The following MME variants were observed in gnomAD, a reference collection of about 807,000 sequenced individuals.
MME encodes neprilysin.
A neutral mutation model predicts 113.2 loss-of-function variants in MME; 98 were observed. That is an observed-to-expected ratio of 0.87 (90% CI 0.74 to 1.02). The LOEUF (loss-of-function observed/expected upper bound fraction) is 1.02. Ranked by LOEUF, MME falls within the 50% of genes least tolerant of loss-of-function variation. The pLI is 0.00. For synonymous variants in MME, 292 were observed against 300.6 expected (o/e 0.97, Z 0.30); for missense variants, 836 against 896.0 (o/e 0.93, Z 0.86).
rs1715429636 is a variant in MME at position 155,084,152 on chromosome 3, T to C, written c.-10-6T>C. The C allele has an allele frequency of 2.5e-6, 4 of 1,609,832 alleles. No homozygotes were observed. Among genetic ancestry groups the C allele is most frequent in the Non-Finnish European group, 3.4e-6 (4 of 1,176,176 alleles). On this transcript the variant is annotated splice_region_variant and splice_polypyrimidine_tract_variant and intron_variant, in intron 1 of 22. Coordinates refer to ENST00000360490, the MANE Select transcript of MME (RefSeq NM_007289.4). The stretch of plus-strand genomic sequence containing the variant: ...TTTTCATTATTAGTATTTTCATTTT[T>C]TGCAGATTTTAGGTGATGGGCAAGT...
At chr3:155,062,966 T>G (rs1576677487) in intron 1 of MME, among the ~76,000 whole-genome samples, 1 of 133,382 alleles carries the variant, frequency 7.5e-6, no homozygotes, top group Non-Finnish European at 1.6e-5. Context: ...ACCCGGGAGG[T>G]GGAGGTTGCA....
chr3:155,073,493 G>A (rs1384443839), intron 1 of MME, among the ~76,000 whole-genome samples: 1 of 152,100 alleles, frequency 6.6e-6, no homozygotes, highest in Non-Finnish European at 1.5e-5. Context: ...GCTGTAAATA[G>A]AATGTTTTAA....
chr3:155,136,051 C>T (rs1720603856), intron 8 of MME, among the ~76,000 whole-genome samples: 2 of 152,132 alleles, frequency 1.3e-5, no homozygotes, highest in Admixed American at 1.3e-4. Flanking sequence ...GCAGAGTCTT[C>T]AGGATTTTCT....
chr3:155,127,896 A>G (rs927502506), intron 8 of MME, among the ~76,000 whole-genome samples: 2 of 152,126 alleles, frequency 1.3e-5, no homozygotes, highest in African/African-American at 4.8e-5. Context: ...TGAGCAAATG[A>G]TAGAAGAAAC....
intron 16 of MME, chr3:155,158,725 T>C (rs1307051621): frequency 6.6e-6 from 1 of 152,078 alleles, no homozygotes; most frequent in African/African-American, 2.4e-5. Context: ...ATGTTTTTCT[T>C]GTGAGTCAAC....
intron 10 of MME, among the ~76,000 whole-genome samples, chr3:155,140,911 C>T (rs1315968635): frequency 6.6e-6 from 1 of 152,158 alleles, no homozygotes; most frequent in Non-Finnish European, 1.5e-5. Context: ...CTCATCAAGG[C>T]CATCTACAGA....
chr3:155,096,012 G>C (rs530058564), intron 3 of MME, among the ~76,000 whole-genome samples: 37 of 152,262 alleles, frequency 2.4e-4, no homozygotes, highest in Non-Finnish European at 4.6e-4. Context: ...GAGCAGAGGA[G>C]AGCATGTGCA....
intron 16 of MME, among the ~76,000 whole-genome samples, chr3:155,160,005 T>C (rs901279835): frequency 2.6e-5 from 4 of 151,998 alleles, no homozygotes; most frequent in Admixed American, 2.6e-4. Context: ...TGACCCACAC[T>C]TCAGTATTCT....
intron 1 of MME, among the ~76,000 whole-genome samples, chr3:155,063,505 A>G (rs1439224143): frequency 1.8e-5 from 2 of 112,388 alleles, no homozygotes; most frequent in South Asian, 2.4e-4. Flanking sequence ...ATTTAAATAT[A>G]TATATTTAAA....
intron 20 of MME, among the ~76,000 whole-genome samples, chr3:155,171,486 A>G (rs1056840919): frequency 8.5e-4 from 129 of 152,310 alleles, no homozygotes; most frequent in African/African-American, 2.9e-3. Context: ...CATTTTTTTC[A>G]GTAGCATAAA....
chr3:155,064,771 C>T (rs1253565158), intron 1 of MME, among the ~76,000 whole-genome samples: 1 of 152,204 alleles, frequency 6.6e-6, no homozygotes, highest in African/African-American at 2.4e-5. Flanking sequence ...TATTGCCTCA[C>T]CAGTCCGGAG....
At chr3:155,048,625 T>A (rs1713648746) in intron 1 of MME, among the ~76,000 whole-genome samples, 2 of 152,166 alleles carry the variant, frequency 1.3e-5, no homozygotes, top group Non-Finnish European at 2.9e-5. Context: ...ACCGTTTTTT[T>A]ACACCTGGAT....
chr3:155,048,851 A>G (rs951947395), intron 1 of MME, among the ~76,000 whole-genome samples: 1 of 152,082 alleles, frequency 6.6e-6, no homozygotes, highest in Admixed American at 6.6e-5. Context: ...TTCATATAGA[A>G]TTATTGTTTG....
At chr3:155,130,394 G>A (rs1333502679) in intron 8 of MME, among the ~76,000 whole-genome samples, 1 of 152,156 alleles carries the variant, frequency 6.6e-6, no homozygotes, top group Admixed American at 6.5e-5. Context: ...GAGTTTGAGA[G>A]CATAAGGAGG....
At chr3:155,092,877 A>G (rs1275748552) in intron 3 of MME, among the ~76,000 whole-genome samples, 1 of 152,148 alleles carries the variant, frequency 6.6e-6, no homozygotes, top group Non-Finnish European at 1.5e-5. Flanking sequence ...AATGGGCATA[A>G]GGGGACTTCT....
At chr3:155,032,013 G>C (rs1287425270) in intron 1 of MME, among the ~76,000 whole-genome samples, 1 of 152,098 alleles carries the variant, frequency 6.6e-6, no homozygotes, top group Non-Finnish European at 1.5e-5. Context: ...CTATTTCCAA[G>C]GTACCCCATT....
In MME at chr3:155,116,518, T is replaced by C; in HGVS notation, c.398T>C (p.Val133Ala). The change falls in exon 5 of 23, where the codon GTG becomes GCG. Residue 133 changes from valine to alanine, a missense_variant. Transcript: ENST00000360490. ...CCCAAAACTGAAGATATAGTAGCAGTGCAGAAAGCAAAAGCATTGTACAGG... is the reference window on the plus strand; with the variant it reads ...CCCAAAACTGAAGATATAGTAGCAGCGCAGAAAGCAAAAGCATTGTACAGG... ...QEPKTEDIVA[V>A]QKAKALYRSC... 1 of 1,612,918 alleles carries C rather than the reference T, an allele frequency of 6.2e-7. No homozygotes were observed. The highest frequency in any genetic ancestry group is 1.3e-5 in the African/African-American group (1 of 74,980).
At chr3:155,154,997 T>C (rs1722212760) in intron 16 of MME, among the ~76,000 whole-genome samples, 1 of 152,216 alleles carries the variant, frequency 6.6e-6, no homozygotes, top group Non-Finnish European at 1.5e-5. Context: ...GTTTTGCACA[T>C]GTTGTAACAG....
chr3:155,074,304 A>G (rs934713738), intron 1 of MME, among the ~76,000 whole-genome samples: 8 of 152,148 alleles, frequency 5.3e-5, no homozygotes, highest in Non-Finnish European at 1.2e-4. Context: ...ATTTTCTGCT[A>G]TTGATAGATA....
Sources: allele counts gnomAD v4.1 joint callset (sites outside exome capture counted in the v4.1 genomes callset), GRCh38; gene constraint gnomAD v4.1.1; transcripts MANE v1.5; gene names NCBI Gene and HGNC (gene_info 2026-07-23, HGNC 2026-07-21).